The following WDFY2 variants were observed in gnomAD, a reference collection of about 807,000 sequenced individuals.
WDFY2 encodes WD repeat and FYVE domain-containing protein 2.
A neutral mutation model predicts 56.4 loss-of-function variants in WDFY2; 36 were observed. That is an observed-to-expected ratio of 0.64 (90% confidence interval 0.49 to 0.84). The LOEUF is 0.84. Among genes scored for constraint, WDFY2 ranks in the 40% least tolerant of loss-of-function variants. The probability of loss-of-function intolerance (pLI) is 0.00; values close to 1 mark genes in which losing one functional copy is unlikely to be tolerated. For synonymous variants in WDFY2, 176 were observed against 183.7 expected, an observed-to-expected ratio of 0.96 and a Z score of 0.34; for missense variants, 444 against 512.2, an observed-to-expected ratio of 0.87 and a Z score of 1.29.
At chr13:51,658,394 A>G (rs373262915) in intron 1 of WDFY2, among the ~76,000 whole-genome samples, 41 of 152,282 alleles carry the variant, frequency 2.7e-4, no homozygotes, top group South Asian at 1.2e-3. Flanking sequence ...AAATCTCTCA[A>G]TGAATTTCCA....
intron 7 of WDFY2, among the ~76,000 whole-genome samples, chr13:51,741,369 C>T (rs900873257): frequency 2.0e-5 from 3 of 152,194 alleles, no homozygotes; most frequent in Non-Finnish European, 4.4e-5. Context: ...GTTTTAACCC[C>T]GGGGAGGGGT....
chr13:51,586,207 C>T (rs1301279162), intron 1 of WDFY2: 1 of 395,904 alleles, frequency 2.5e-6, no homozygotes, highest in Non-Finnish European at 4.4e-6. Context: ...GCTTCTGGAC[C>T]TAGAAATTCT....
chr13:51,707,279 C>T (rs1952103489), intron 4 of WDFY2, among the ~76,000 whole-genome samples: 1 of 152,180 alleles, frequency 6.6e-6, no homozygotes, highest in African/African-American at 2.4e-5. Context: ...CCTGCCTCAC[C>T]TCCCAAGTAG....
chr13:51,644,324 C>T (rs1393734226), intron 1 of WDFY2, among the ~76,000 whole-genome samples: 1 of 152,202 alleles, frequency 6.6e-6, no homozygotes, highest in Non-Finnish European at 1.5e-5. Context: ...TCTCGAGGGT[C>T]TTACTACTGA....
chr13:51,677,108 G>A (rs1436592868), intron 3 of WDFY2, among the ~76,000 whole-genome samples: 2 of 152,154 alleles, frequency 1.3e-5, no homozygotes, highest in Non-Finnish European at 2.9e-5. Flanking sequence ...TATATAAGAG[G>A]CGAAACCATC....
At chr13:51,617,630 AT>A (rs1954643131) in intron 1 of WDFY2, among the ~76,000 whole-genome samples, 1 of 152,130 alleles carries the variant, frequency 6.6e-6, no homozygotes, top group Non-Finnish European at 1.5e-5. Context: ...AAATGAGCAG[AT>A]TTTTCAGGCC....
intron 7 of WDFY2, among the ~76,000 whole-genome samples, chr13:51,746,057 A>G (rs545343021): frequency 1.4e-5 from 2 of 145,914 alleles, no homozygotes; most frequent in East Asian, 2.0e-4. Context: ...GCTCACTGCA[A>G]TCTCCACCTC....
intron 1 of WDFY2, among the ~76,000 whole-genome samples, chr13:51,649,321 C>T (rs966718880): frequency 6.6e-6 from 1 of 151,798 alleles, no homozygotes; most frequent in Non-Finnish European, 1.5e-5. Context: ...ACAGCACGTG[C>T]AAGATGGACT....
At chr13:51,616,754 C>T (rs199756490) in intron 1 of WDFY2, among the ~76,000 whole-genome samples, 1 of 152,184 alleles carries the variant, frequency 6.6e-6, no homozygotes, top group Non-Finnish European at 1.5e-5. Context: ...GCTATCCTAT[C>T]GTGTGCTTAG....
chr13:51,661,286 G>C (rs1057194864), intron 2 of WDFY2, among the ~76,000 whole-genome samples: 4 of 152,016 alleles, frequency 2.6e-5, no homozygotes, highest in Admixed American at 2.6e-4. Flanking sequence ...CCCCAAAATA[G>C]GAAATTTCTT....
chr13:51,703,651 G>A lies in WDFY2; in HGVS notation c.334+1G>A. On this transcript the variant is annotated splice_donor_variant, in intron 4 of 11. Coordinates refer to ENST00000298125, the MANE Select transcript of WDFY2 (RefSeq NM_052950.4). LOFTEE classifies it high-confidence loss of function. ...ATGACTCCTGTGAAAAACTATCAAG[G>A]TAGGGAGTGAGAGGAGTACCTTCAT... 6 of 1,609,234 alleles carry A rather than the reference G, an allele frequency of 3.7e-6. No individual in the cohort carries two copies. The highest frequency in any genetic ancestry group is 4.2e-6 in the Non-Finnish European group (5 of 1,177,540).
Position 51,759,915 on chromosome 13 carries a change from C to G in WDFY2, c.*146C>G. On this transcript the variant is annotated 3_prime_UTR_variant, in exon 12 of 12. Transcript: ENST00000298125. ...TGAATTTGCAGATTACCCATGTGCACAGTGGGGACCTGGCCAGTGAGCACT... is the reference window on the plus strand; with the variant it reads ...TGAATTTGCAGATTACCCATGTGCAGAGTGGGGACCTGGCCAGTGAGCACT... 1 of 783,402 alleles carries G rather than the reference C, an allele frequency of 1.3e-6. No homozygotes were observed. The highest frequency in any genetic ancestry group is 2.1e-6 in the Non-Finnish European group (1 of 486,420). 48.5% of individuals were successfully genotyped at this position (783,402 alleles called of 1,614,324 possible).
intron 3 of WDFY2, among the ~76,000 whole-genome samples, chr13:51,691,590 G>T (rs1263749797): frequency 1.3e-5 from 2 of 151,992 alleles, no homozygotes; most frequent in East Asian, 1.9e-4. Flanking sequence ...TGCTGTTTTG[G>T]TTACTGTAGC....
intron 5 of WDFY2, among the ~76,000 whole-genome samples, chr13:51,720,928 A>C (rs983113613): frequency 3.3e-5 from 5 of 150,664 alleles, no homozygotes; most frequent in Non-Finnish European, 5.9e-5. Flanking sequence ...TTGGGGAGAC[A>C]TAATCATTCT....
chr13:51,681,011 A>G (rs921014795), intron 3 of WDFY2, among the ~76,000 whole-genome samples: 2 of 152,188 alleles, frequency 1.3e-5, no homozygotes, highest in African/African-American at 2.4e-5. Flanking sequence ...CAGGAATTTC[A>G]GCATTTAATC....
At chr13:51,657,402 A>G (rs908666751) in intron 1 of WDFY2, among the ~76,000 whole-genome samples, 1 of 152,112 alleles carries the variant, frequency 6.6e-6, no homozygotes, top group South Asian at 2.1e-4. Flanking sequence ...TCAGGTTACC[A>G]TCTAGTGTCC....
chr13:51,655,650 TGTG>T (rs1213941567), intron 1 of WDFY2, among the ~76,000 whole-genome samples: 2 of 152,178 alleles, frequency 1.3e-5, no homozygotes, highest in Middle Eastern at 3.2e-3. Context: ...GTAGTTTTCT[TGTG>T]GTATCTTTGT....
intron 2 of WDFY2, among the ~76,000 whole-genome samples, chr13:51,661,470 G>T (rs957007081): frequency 5.9e-5 from 9 of 152,090 alleles, no homozygotes; most frequent in African/African-American, 1.4e-4. Context: ...CCCCAGGTTT[G>T]TTGTTTGGAG....
intron 1 of WDFY2, among the ~76,000 whole-genome samples, chr13:51,629,127 C>T (rs1344801327): frequency 6.6e-6 from 1 of 152,198 alleles, no homozygotes; most frequent in Non-Finnish European, 1.5e-5. Context: ...ATAAGTGATA[C>T]TCCTCACATG....
Sources: allele counts gnomAD v4.1 joint callset (sites outside exome capture counted in the v4.1 genomes callset), GRCh38; gene constraint gnomAD v4.1.1; transcripts MANE v1.5; gene names NCBI Gene and HGNC (gene_info 2026-07-23, HGNC 2026-07-21).